FABP7: variants seen among roughly 807,000 people sequenced by gnomAD.
The protein encoded by FABP7 is fatty acid binding protein 7, also known as fatty acid-binding protein, brain.
In FABP7, 13 loss-of-function variants were observed where a neutral mutation model predicts 14.2. The observed-to-expected ratio is 0.91, with a 90% confidence interval of 0.59 to 1.45. FABP7 has a LOEUF of 1.45. FABP7 is among the 40% of genes most tolerant of loss of function. The pLI, the probability that FABP7 is intolerant of heterozygous loss-of-function variation, is 0.00. For synonymous variants in FABP7, 49 were observed against 51.4 expected (o/e 0.95, Z 0.20); for missense variants, 149 against 157.6 (o/e 0.95, Z 0.29).
chr6:122,781,469 A>G (rs1780782319), intron 3 of FABP7: 2 of 1,382,896 alleles, frequency 1.4e-6, no homozygotes, highest in African/African-American at 1.4e-5. Context: ...TTTGCCTAAA[A>G]CTGTGTCAAA....
upstream of FABP7, among the ~76,000 whole-genome samples, chr6:122,777,454 C>CA (rs202169286): frequency 6.6e-6 from 1 of 152,106 alleles, no homozygotes; most frequent in East Asian, 1.9e-4. Flanking sequence ...GGAAGTCGGA[C>CA]ATACTTCTGA....
the FABP7 span, among the ~76,000 whole-genome samples, chr6:122,753,414 G>C: frequency 6.6e-6 from 1 of 151,068 alleles, no homozygotes; most frequent in Non-Finnish European, 1.5e-5. Context: ...TCAGTAATTC[G>C]CTCACACTCA....
the FABP7 span, among the ~76,000 whole-genome samples, chr6:122,749,650 T>C: frequency 1.7e-3 from 260 of 152,284 alleles, 2 homozygotes; most frequent in African/African-American, 6.0e-3. Context: ...AAGGCAGCTG[T>C]ATTTAAATGC....
At chr6:122,770,249 T>C in the FABP7 span, among the ~76,000 whole-genome samples, 1 of 152,154 alleles carries the variant, frequency 6.6e-6, no homozygotes, top group African/African-American at 2.4e-5. Flanking sequence ...TTTGGGGATC[T>C]TGGAAATTTA....
At chr6:122,775,071 T>G (rs1780648388), upstream of FABP7, among the ~76,000 whole-genome samples, 1 of 152,120 alleles carries the variant, frequency 6.6e-6, no homozygotes, top group Admixed American at 6.5e-5. Context: ...TGTTAAATTG[T>G]TCATATTACC....
At chr6:122,782,405 C>A in intron 3 of FABP7, 1 of 622,974 alleles carries the variant, frequency 1.6e-6, no homozygotes, top group Non-Finnish European at 2.0e-6. Flanking sequence ...GGTTGTTGGG[C>A]TTACAGTTGT....
chr6:122,770,439 A>G, the FABP7 span, among the ~76,000 whole-genome samples: 6 of 152,104 alleles, frequency 3.9e-5, no homozygotes, highest in Admixed American at 6.6e-5. Flanking sequence ...GATCATCAGT[A>G]GGGTCAAGGA....
chr6:122,781,055 A>G (rs1399454149), intron 2 of FABP7, 38 bp from the exon 3 acceptor site: 2 of 1,575,418 alleles, frequency 1.3e-6, no homozygotes, highest in East Asian at 2.3e-5. Flanking sequence ...TCTGAATTGT[A>G]TTTATTGCTA....
the FABP7 span, among the ~76,000 whole-genome samples, chr6:122,761,136 G>C: frequency 6.6e-6 from 1 of 152,096 alleles, no homozygotes; most frequent in African/African-American, 2.4e-5. Flanking sequence ...CTTTGAACTT[G>C]AATCGTGAGA....
At chr6:122,773,305 C>T in the FABP7 span, among the ~76,000 whole-genome samples, 2 of 152,192 alleles carry the variant, frequency 1.3e-5, no homozygotes, top group African/African-American at 2.4e-5. Flanking sequence ...CCTTAAGTTC[C>T]TCCTTTAAGG....
At chr6:122,760,205 C>T in the FABP7 span, among the ~76,000 whole-genome samples, 6 of 152,126 alleles carry the variant, frequency 3.9e-5, no homozygotes, top group African/African-American at 1.4e-4. Context: ...AAGAGTCAGT[C>T]GAGATGGAGA....
intron 3 of FABP7, chr6:122,783,045 A>G (rs1182572120): frequency 1.0e-6 from 1 of 985,338 alleles, no homozygotes; most frequent in Non-Finnish European, 1.2e-6. Flanking sequence ...ACAAGGATAT[A>G]CTATACTCCT....
chr6:122,764,546 A>AT, the FABP7 span, among the ~76,000 whole-genome samples: 1 of 152,182 alleles, frequency 6.6e-6, no homozygotes, highest in Admixed American at 6.6e-5. Context: ...ATTAAAAAAA[A>AT]GAGAAAACAA....
chr6:122,781,047 T>A, intron 2 of FABP7, 46 bp from the exon 3 acceptor site: 1 of 1,551,414 alleles, frequency 6.4e-7, no homozygotes, highest in Non-Finnish European at 8.7e-7. Flanking sequence ...ATCAGAAATC[T>A]GAATTGTATT....
chr6:122,782,001 C>G (rs1275668661), intron 3 of FABP7: 1 of 929,600 alleles, frequency 1.1e-6, no homozygotes, highest in Non-Finnish European at 1.3e-6. Flanking sequence ...CGCCTGCTGC[C>G]TCGGCCTCCC....
the FABP7 span, among the ~76,000 whole-genome samples, chr6:122,764,003 C>A: frequency 7.2e-5 from 11 of 152,116 alleles, no homozygotes; most frequent in African/African-American, 2.7e-4. Flanking sequence ...AGGATCTAAA[C>A]CTAGAAATAC....
At chr6:122,756,775 C>T in the FABP7 span, among the ~76,000 whole-genome samples, 2 of 152,218 alleles carry the variant, frequency 1.3e-5, no homozygotes, top group African/African-American at 4.8e-5. Flanking sequence ...AAGATCAACT[C>T]TATCTTTGTC....
chr6:122,774,670 G>A, the FABP7 span, among the ~76,000 whole-genome samples: 1 of 150,620 alleles, frequency 6.6e-6, no homozygotes, highest in Admixed American at 6.6e-5. Flanking sequence ...AATTAGACAA[G>A]AGAAAGAAAT....
At chr6:122,776,596 C>G (rs1162370634), upstream of FABP7, among the ~76,000 whole-genome samples, 2 of 151,978 alleles carry the variant, frequency 1.3e-5, no homozygotes, top group Admixed American at 6.6e-5. Flanking sequence ...TAAATTCTAG[C>G]CTTTGATACC....
Sources: gnomAD v4.1 joint callset for allele counts (sites outside exome capture counted in the v4.1 genomes callset) on GRCh38, gnomAD v4.1.1 for gene constraint, MANE v1.5 for transcripts, NCBI Gene and HGNC (gene_info 2026-07-23, HGNC 2026-07-21) for gene names.